The following LIN9 variants were observed in gnomAD, a reference collection of about 807,000 sequenced individuals.
The protein encoded by LIN9 is protein lin-9 homolog.
A neutral mutation model predicts 78.0 loss-of-function variants in LIN9; 18 were observed. The observed-to-expected ratio is 0.23, with a 90% CI of 0.16 to 0.34. LIN9 has a LOEUF of 0.34. LIN9 is among the 10% of genes least tolerant of loss of function. The pLI is 1.00. For missense variants in LIN9, 451 were observed against 644.1 expected, an observed-to-expected ratio of 0.70 and a Z score of 3.25; for synonymous variants, 192 against 215.2, an observed-to-expected ratio of 0.89 and a Z score of 0.94.
In LIN9 at chr1:226,233,209, T is replaced by A. The variant is rs1465445922; in HGVS notation, c.1426-16A>T. On this transcript the variant is annotated splice_polypyrimidine_tract_variant and intron_variant, in intron 13 of 14. Transcript: ENST00000681046. ...CTGCTAGACACTAAAGGGAAAAAAA[T>A]TTCAAAATTTAATTGCATTATAGCT... 7 of 1,576,536 alleles carry A rather than the reference T, an allele frequency of 4.4e-6. No individual in the cohort carries two copies. Among genetic ancestry groups the A allele is most frequent in the Admixed American group, 1.9e-5 (1 of 53,470 alleles).
chr1:226,264,155 G>C (rs570089887), intron 10 of LIN9, among the ~76,000 whole-genome samples: 1 of 152,044 alleles, frequency 6.6e-6, no homozygotes, highest in Non-Finnish European at 1.5e-5. Flanking sequence ...GGCCGAGGGC[G>C]ATCATGTGAG....
At position 226,291,389 on chromosome 1, in the gene LIN9, C is replaced by G. The variant is rs187666485; in HGVS notation, c.265-3592G>C. On this transcript the variant is annotated intron_variant, in intron 4 of 14. Transcript: ENST00000681046. ...AGACAGTGAAAAAATTACAGAATGA[C>G]ACATGGCACAATACCATGAAAATGA... Among the ~76,000 whole-genome samples the G allele has an allele frequency of 2.9e-3, 438 of 152,132 alleles. 3 individuals are homozygous for G. Among genetic ancestry groups the G allele is most frequent in the Non-Finnish European group, 5.2e-3 (352 of 68,006 alleles).
At chr1:226,258,906 A>C (rs1247026346) in intron 10 of LIN9, among the ~76,000 whole-genome samples, 1 of 146,686 alleles carries the variant, frequency 6.8e-6, no homozygotes, top group African/African-American at 2.5e-5. Flanking sequence ...AAAAAAAAAA[A>C]AAAAAAAAAA....
chr1:226,241,918 A>C (rs1335565479), intron 11 of LIN9, among the ~76,000 whole-genome samples: 2 of 152,058 alleles, frequency 1.3e-5, no homozygotes, highest in African/African-American at 4.8e-5. Flanking sequence ...TTCCAACACT[A>C]AACAGATATA....
At chr1:226,285,564 T>C (rs1416256856) in intron 6 of LIN9, among the ~76,000 whole-genome samples, 3 of 152,160 alleles carry the variant, frequency 2.0e-5, no homozygotes, top group African/African-American at 7.2e-5. Context: ...AGACATAATG[T>C]GAGAACTAAT....
Position 226,286,455 on chromosome 1 carries a change from T to G in LIN9, c.402A>C (p.Pro134=), listed in dbSNP as rs1443627696. 3.2e-6 allele frequency: 5 copies of G among 1,575,324 alleles called. No homozygotes were observed. Among genetic ancestry groups the G allele is most frequent in the Non-Finnish European group, 3.5e-6 (4 of 1,154,596 alleles). Residue 134 remains proline (P), a synonymous_variant, in exon 6 of 15, where the codon CCA becomes CCC. Transcript: ENST00000681046. ...YEWFYSNIDK[P]LFEGDNDFCV... is the part of the protein sequence containing the mutation. ...AGAAGTCATTATCACCTTCAAAAAGTGGTCTGTAAAACAGATATAGTATTT... is the reference window on the plus strand; with the variant it reads ...AGAAGTCATTATCACCTTCAAAAAGGGGTCTGTAAAACAGATATAGTATTT...
chr1:226,309,032 C>T, intron 1 of LIN9, 77 bp downstream of exon 1: 1 of 1,277,744 alleles, frequency 7.8e-7, no homozygotes, highest in Non-Finnish European at 1.0e-6. Context: ...GAGGGCACGG[C>T]CGTCCGTCCC....
chr1:226,276,487 T>C (rs533631875), intron 7 of LIN9, among the ~76,000 whole-genome samples: 11 of 152,356 alleles, frequency 7.2e-5, no homozygotes, highest in African/African-American at 2.4e-4. Flanking sequence ...TTACCAAATC[T>C]AGTCTCTCCT....
intron 10 of LIN9, among the ~76,000 whole-genome samples, chr1:226,254,096 T>C (rs1659035627): frequency 2.0e-5 from 3 of 152,054 alleles, no homozygotes; most frequent in African/African-American, 7.2e-5. Flanking sequence ...CACACCTGGC[T>C]AATTTTTGTA....
chr1:226,304,826 C>G (rs927492291), intron 1 of LIN9, among the ~76,000 whole-genome samples: 2 of 152,182 alleles, frequency 1.3e-5, no homozygotes, highest in African/African-American at 4.8e-5. Context: ...GGCTACTAAC[C>G]AATCACATAA....
At chr1:226,298,467 C>T (rs1234168979) in intron 2 of LIN9, among the ~76,000 whole-genome samples, 1 of 152,198 alleles carries the variant, frequency 6.6e-6, no homozygotes, top group Non-Finnish European at 1.5e-5. Flanking sequence ...CTCAGTGTCT[C>T]AAAGTGTTGA....
In LIN9 at chr1:226,250,948, T is replaced by C. The variant is rs755569212; in HGVS notation, c.1039-29A>G. On this transcript the variant is annotated intron_variant, in intron 10 of 14. Coordinates refer to ENST00000681046, the MANE Select transcript of LIN9 (RefSeq NM_001366245.2). ...CAGACAAAGAAGAAATATTTTAGAA[T>C]AAACAGAGGCATTTAGGTATATTGG... 4 of 1,113,454 alleles carry C rather than the reference T, an allele frequency of 3.6e-6. No individual in the cohort carries two copies. In the African/African-American group the frequency reaches 6.3e-5, roughly 17 times the overall value. 69.0% of individuals were successfully genotyped at this position (1,113,454 alleles called of 1,614,324 possible).
intron 1 of LIN9, among the ~76,000 whole-genome samples, chr1:226,302,066 C>T (rs1662574283): frequency 6.6e-6 from 1 of 151,930 alleles, no homozygotes; most frequent in Non-Finnish European, 1.5e-5. Flanking sequence ...ACGACTCTGC[C>T]TCAAAAAAAT....
intron 4 of LIN9, among the ~76,000 whole-genome samples, chr1:226,291,497 T>C (rs1465605865): frequency 6.6e-6 from 1 of 152,112 alleles, no homozygotes; most frequent in Non-Finnish European, 1.5e-5. Flanking sequence ...ATATTTTCTA[T>C]GAATACATTA....
intron 7 of LIN9, among the ~76,000 whole-genome samples, chr1:226,272,436 G>A (rs184621650): frequency 6.7e-6 from 1 of 149,472 alleles, no homozygotes; most frequent in East Asian, 2.0e-4. Context: ...CTGGAGTGCA[G>A]TGGCATGATC....
chr1:226,259,649 A>G lies in LIN9; in HGVS notation c.1038+5884T>C, dbSNP rs569221014. Among the ~76,000 whole-genome samples, 33 of 152,332 alleles carry G rather than the reference A, an allele frequency of 2.2e-4. No individual in the cohort carries two copies. In the East Asian group the frequency reaches 5.0e-3, roughly 23 times the overall value. ...GAAATCAATAACAAAGAAAGCTGTA[A>G]AATCCGAAGATATGTCTAAATAATA... On this transcript the variant is annotated intron_variant, in intron 10 of 14. Transcript: ENST00000681046.
chr1:226,284,278 C>T (rs1254711296), intron 6 of LIN9, among the ~76,000 whole-genome samples: 1 of 152,096 alleles, frequency 6.6e-6, no homozygotes, highest in Non-Finnish European at 1.5e-5. Flanking sequence ...TCTATTTATG[C>T]ACCACTACCA....
chr1:226,303,179 T>C (rs1662672744), intron 1 of LIN9, among the ~76,000 whole-genome samples: 1 of 152,198 alleles, frequency 6.6e-6, no homozygotes, highest in Non-Finnish European at 1.5e-5. Flanking sequence ...AGATATGCAG[T>C]GCATTTGAGA....
At chr1:226,309,449 G>C (rs777450163), upstream of LIN9, 55 of 1,082,576 alleles carry the variant, frequency 5.1e-5, no homozygotes, top group Non-Finnish European at 5.8e-5. Flanking sequence ...TACCAGCTCC[G>C]GAGTCCCGCC....
Sources: allele counts gnomAD v4.1 joint callset (sites outside exome capture counted in the v4.1 genomes callset), GRCh38; gene constraint gnomAD v4.1.1; transcripts MANE v1.5; gene names NCBI Gene and HGNC (gene_info 2026-07-23, HGNC 2026-07-21).